Variants in PLXNB1 observed in about 807,000 individuals in gnomAD.
The protein encoded by PLXNB1 is plexin-B1.
Under a neutral mutation model 209.4 loss-of-function variants are expected in PLXNB1, and 106 were observed. The observed-to-expected ratio is 0.51, with a 90% confidence interval of 0.43 to 0.59. PLXNB1 has a LOEUF of 0.59. PLXNB1 is among the 20% of genes least tolerant of loss of function. PLXNB1 has a pLI of 0.00. For missense variants in PLXNB1, 2,357 were observed against 2,853.2 expected (o/e 0.83, Z 3.96); for synonymous variants, 1,167 against 1,183.2 (o/e 0.99, Z 0.28).
Position 48,419,711 on chromosome 3 carries a change from C to T in PLXNB1, c.2575G>A (p.Asp859Asn), listed in dbSNP as rs765692619. 3 of 1,611,918 alleles carry T rather than the reference C, an allele frequency of 1.9e-6. No individual in the cohort carries two copies. In the South Asian group the frequency reaches 3.3e-5, roughly 18 times the overall value. Residue 859 changes from aspartate (D) to asparagine (N), a missense_variant, in exon 11 of 38, where the codon GAC becomes AAC. Around this residue, in one of 7 missense-constraint regions of PLXNB1, gnomAD observed 410 missense variants for 401.0 expected, o/e 1.02. Coordinates refer to ENST00000296440, the MANE Select transcript of PLXNB1 (RefSeq NM_001130082.3). This position sits in a 1 kb window ranked among gnomAD's most constrained non-coding sequence, Gnocchi z 5.7. ...LPEADEWTGGDAPAFSTSTLL... is the reference protein window; with the variant it reads ...LPEADEWTGGNAPAFSTSTLL... ...GTGGAAGTGGAGAAGGCGGGTGCGT[C>T]ACCCCCCGTCCACTCGTCCGCCTCG...
chr3:48,406,838 C>T lies in PLXNB1; in HGVS notation c.6213G>A (p.Leu2071=). Residue 2071 remains leucine (L), a synonymous_variant, in exon 36 of 38, where the codon CTG becomes CTA. Transcript: ENST00000296440. The surrounding 1 kb of genome is among the most constrained non-coding windows in gnomAD (Gnocchi z 4.4). ...PASDQEMNSV[L]AELSWNYSGD... Reference sequence around the variant, plus strand: ...GAGGCCTTACCCAGGACAGTTCAGCCAGGACAGAGTTCATCTCTTGGTCGC... The same window carrying T: ...GAGGCCTTACCCAGGACAGTTCAGCTAGGACAGAGTTCATCTCTTGGTCGC... 1 of 1,611,268 alleles carries T rather than the reference C, an allele frequency of 6.2e-7. No individual in the cohort carries two copies. The highest frequency in any genetic ancestry group is 1.7e-4 in the Middle Eastern group (1 of 6,030).
chr3:48,424,716 C>T (rs1001059916), intron 2 of PLXNB1, 99 bp from the exon 3 acceptor site: 2 of 1,270,972 alleles, frequency 1.6e-6, no homozygotes, highest in African/African-American at 3.0e-5. Flanking sequence ...CCAAGATGCT[C>T]CTCCTAACCT....
chr3:48,428,229 T>C (rs1476678317), intron 1 of PLXNB1, among the ~76,000 whole-genome samples: 1 of 152,198 alleles, frequency 6.6e-6, no homozygotes, highest in Non-Finnish European at 1.5e-5. Flanking sequence ...TTGGCCCCAC[T>C]TTTATTAATG....
Position 48,413,965 on chromosome 3 carries a change from G to A in PLXNB1, c.4316C>T (p.Pro1439Leu). ...CCGTGGCAGGGGCTGCTCCACGGGGGGCTCGCAGTACAGGTGGTGCCGCGT... is the reference window on the plus strand; with the variant it reads ...CCGTGGCAGGGGCTGCTCCACGGGGAGCTCGCAGTACAGGTGGTGCCGCGT... ...TLTRHHLYCE[P>L]PVEQPLPRHH... Residue 1439 changes from proline to leucine, a missense_variant, in exon 22 of 38, where the codon CCC becomes CTC. Physicochemically the swap from Pro to Leu is moderately conservative, Grantham distance 98. This residue lies in a region of PLXNB1 where 743 missense variants were observed against 896.2 expected (regional missense o/e 0.83). Transcript: ENST00000296440. The surrounding 1 kb of genome is among the most constrained non-coding windows in gnomAD (Gnocchi z 5.4). 6.2e-7 allele frequency: 1 copy of A among 1,613,600 alleles called. No homozygotes were observed. Among genetic ancestry groups the A allele is most frequent in the South Asian group, 1.1e-5 (1 of 91,080 alleles).
chr3:48,420,691 C>T lies in PLXNB1; in HGVS notation c.2002G>A (p.Ala668Thr). The change falls in exon 10 of 38, where the codon GCT (alanine) becomes ACT (threonine). Residue 668 changes from alanine to threonine, a missense_variant. Ala to Thr is a moderately conservative substitution (Grantham distance 58). Transcript: ENST00000296440. The stretch of plus-strand genomic sequence containing the variant: ...TGATGGCTTGCAACCATGGGCCCAG[C>T]ATCACACGAGGCCTTGTGGGTGCAC... ...HLCTHKASCD[A>T]GPMVASHQSP... 6.2e-7 allele frequency: 1 copy of T among 1,613,950 alleles called. No homozygotes were observed. Among genetic ancestry groups the T allele is most frequent in the African/African-American group, 1.3e-5 (1 of 75,054 alleles).
At chr3:48,408,202 G>A (rs2106739967) in intron 34 of PLXNB1, among the ~76,000 whole-genome samples, 1 of 152,040 alleles carries the variant, frequency 6.6e-6, no homozygotes, top group East Asian at 1.9e-4. Context: ...GTAGAGACAG[G>A]GTTTTGCCAT....
At position 48,415,863 on chromosome 3, in the gene PLXNB1, G is replaced by C. The variant is rs1342034327; in HGVS notation, c.3618-104C>G. The C allele has an allele frequency of 7.3e-7, 1 of 1,364,374 alleles. No individual in the cohort carries two copies. The highest frequency in any genetic ancestry group is 1.0e-6 in the Non-Finnish European group (1 of 1,004,852). 84.5% of individuals were successfully genotyped at this position (1,364,374 alleles called of 1,614,324 possible). A position where few individuals can be genotyped will look rare whatever the true frequency, so the allele number is the denominator to read the frequency against. On this transcript the variant is annotated intron_variant, in intron 18 of 37. Transcript: ENST00000296440. The surrounding 1 kb of genome is among the most constrained non-coding windows in gnomAD (Gnocchi z 5.0). ...CAAGCGCTGACTGCAGTCTCCACCA[G>C]GTGTCCCTGGAGGTGCACTCCCACC...
chr3:48,424,693 G>A, intron 2 of PLXNB1, 76 bp from the exon 3 acceptor site: 1 of 1,425,048 alleles, frequency 7.0e-7, no homozygotes, highest in Non-Finnish European at 9.3e-7. Context: ...TAAGGGATAG[G>A]ACTGTGGCAT....
rs1324984657 is a variant in PLXNB1, at chr3:48,405,010, G to GGGAACCGGTA, written c.6304-430_6304-421dup. Among the ~76,000 whole-genome samples, 45 of 152,312 alleles carry GGGAACCGGTA rather than the reference G, an allele frequency of 3.0e-4. No homozygotes were observed. Among genetic ancestry groups the GGGAACCGGTA allele is most frequent in the African/African-American group, 1.1e-3 (45 of 41,560 alleles). Reference sequence around the variant, plus strand: ...ACCACGAATTTGGGGCTGCCACCAAGGGAACCGGTAGGAACCGGAGGGCAG... The same window carrying GGGAACCGGTA: ...ACCACGAATTTGGGGCTGCCACCAAGGGAACCGGTAGGAACCGGTAGGAACCGGAGGGCAG... On this transcript the variant is annotated intron_variant, in intron 37 of 37. Transcript: ENST00000296440. This position sits in a 1 kb window ranked among gnomAD's most constrained non-coding sequence, Gnocchi z 5.0.
In PLXNB1 at chr3:48,419,989, T is replaced by C; in HGVS notation, c.2297A>G (p.Asn766Ser). The change falls in exon 11 of 38, where the codon AAT (asparagine) becomes AGT (serine). Residue 766 changes from asparagine to serine, a missense_variant. By Grantham distance (46) the Asn-to-Ser change is conservative (BLOSUM62 1). Around this residue, in one of 7 missense-constraint regions of PLXNB1, gnomAD observed 410 missense variants for 401.0 expected, o/e 1.02. Coordinates refer to ENST00000296440, the MANE Select transcript of PLXNB1 (RefSeq NM_001130082.3). The surrounding 1 kb of genome is among the most constrained non-coding windows in gnomAD (Gnocchi z 5.7). Reference protein sequence around the residue: ...HEEPSPPSPQNGPGTAVPAPT... With the variant: ...HEEPSPPSPQSGPGTAVPAPT... The stretch of plus-strand genomic sequence containing the variant: ...GGCAGGGACAGCGGTTCCAGGTCCA[T>C]TTTGGGGGCTGGGAGGGGAGGGCTC... 6.3e-7 allele frequency: 1 copy of C among 1,595,302 alleles called. No homozygotes were observed. The highest frequency in any genetic ancestry group is 8.6e-7 in the Non-Finnish European group (1 of 1,168,794).
chr3:48,410,076 C>T lies in PLXNB1; in HGVS notation c.5607G>A (p.Arg1869=), dbSNP rs2106765965. 6.3e-7 allele frequency: 1 copy of T among 1,579,900 alleles called. No homozygotes were observed. Among genetic ancestry groups the T allele is most frequent in the Non-Finnish European group, 8.6e-7 (1 of 1,160,328 alleles). Residue 1869 remains arginine (R), a splice_region_variant and synonymous_variant, in exon 32 of 38, where the codon CGG becomes CGA. Transcript: ENST00000296440. This position sits in a 1 kb window ranked among gnomAD's most constrained non-coding sequence, Gnocchi z 6.4. ...RENQDYVPGE[R]TPMLEDVDEG... ...CATCTACATCCTCCAGCATTGGGGT[C>T]CCTGTGCCAAGAGCCCACAGCTGTC... is the stretch of plus-strand genomic sequence containing the variant.
Position 48,411,546 on chromosome 3 carries a change from C to G in PLXNB1, c.5247+317G>C, listed in dbSNP as rs112734489. On this transcript the variant is annotated intron_variant, in intron 28 of 37. Transcript: ENST00000296440. This position sits in a 1 kb window ranked among gnomAD's most constrained non-coding sequence, Gnocchi z 4.0. ...CCGCATTCCTGGTAGGAGGGCCAGG[C>G]AGACAGGGTCAGGCCCTGACACAGC... Among the ~76,000 whole-genome samples the G allele has an allele frequency of 6.6e-6, 1 of 152,194 alleles. No individual in the cohort carries two copies. Among genetic ancestry groups the G allele is most frequent in the Non-Finnish European group, 1.5e-5 (1 of 68,028 alleles).
At position 48,406,958 on chromosome 3, in the gene PLXNB1, A is replaced by G. The variant is rs1005405755; in HGVS notation, c.6153-60T>C. 8.7e-6 allele frequency: 14 copies of G among 1,607,514 alleles called. No individual in the cohort carries two copies. Among genetic ancestry groups the G allele is most frequent in the Admixed American group, 1.7e-5 (1 of 59,926 alleles). ...AAACAAGCCCACTCCCCTGCTCCCA[A>G]CCAGAGCCCACCCCCCAAGCCTCAG... On this transcript the variant is annotated intron_variant, in intron 35 of 37. Coordinates refer to ENST00000296440, the MANE Select transcript of PLXNB1 (RefSeq NM_001130082.3). The surrounding 1 kb of genome is among the most constrained non-coding windows in gnomAD (Gnocchi z 4.4).
intron 8 of PLXNB1, 54 bp from the exon 9 acceptor site, chr3:48,421,010 C>T: frequency 3.4e-6 from 5 of 1,459,822 alleles, no homozygotes; most frequent in East Asian, 2.3e-5. Flanking sequence ...GCACTCAGAC[C>T]CAGAGCCGAT....
Position 48,410,797 on chromosome 3 carries a change from T to C in PLXNB1, c.5416+71A>G. On this transcript the variant is annotated intron_variant, in intron 29 of 37. Transcript: ENST00000296440. The surrounding 1 kb of genome is among the most constrained non-coding windows in gnomAD (Gnocchi z 6.4). ...CCCACCCTGAGTGATGAGTTGTCCC[T>C]GCAGAGTTGGTCCGGGGCCAGCCCA... is the stretch of plus-strand genomic sequence containing the variant. 1 of 1,450,650 alleles carries C rather than the reference T, an allele frequency of 6.9e-7. No individual in the cohort carries two copies. Among genetic ancestry groups the C allele is most frequent in the South Asian group, 1.3e-5 (1 of 78,688 alleles). 89.9% of individuals were successfully genotyped at this position (1,450,650 alleles called of 1,614,324 possible).
Position 48,415,667 on chromosome 3 carries a change from G to A in PLXNB1, c.3710C>T (p.Thr1237Met), listed in dbSNP as rs539447851. Residue 1237 changes from threonine (T) to methionine (M), a missense_variant, in exon 19 of 38, where the codon ACG becomes ATG. Around this residue, in one of 7 missense-constraint regions of PLXNB1, gnomAD observed 743 missense variants for 896.2 expected, o/e 0.83. Coordinates refer to ENST00000296440, the MANE Select transcript of PLXNB1 (RefSeq NM_001130082.3). This position sits in a 1 kb window ranked among gnomAD's most constrained non-coding sequence, Gnocchi z 5.0. ...CTGTCCGCGTTGAAGCCTCCGCTCC[G>A]TGGCCCCAAACCACACAGCCACAGG... ...TLPVAVWFGA[T>M]ERRLQRGQFK... 84 of 1,565,036 alleles carry A rather than the reference G, an allele frequency of 5.4e-5. No individual in the cohort carries two copies. In the East Asian group the frequency reaches 7.5e-4, roughly 14 times the overall value.
At chr3:48,427,521 C>T (rs144962120) in intron 1 of PLXNB1, among the ~76,000 whole-genome samples, 1 of 152,316 alleles carries the variant, frequency 6.6e-6, no homozygotes, top group African/African-American at 2.4e-5. Flanking sequence ...TCAGGACTTT[C>T]CTTGAGCAGA....
rs932162661 is a variant in PLXNB1 at position 48,404,227 on chromosome 3, C to T, written c.*259G>A. 3 of 487,176 alleles carry T rather than the reference C, an allele frequency of 6.2e-6. No individual in the cohort carries two copies. The highest frequency in any genetic ancestry group is 5.8e-5 in the African/African-American group (3 of 51,474). The allele number at this position is 487,176 out of a possible 1,614,324, so 30.2% of individuals were successfully genotyped here. On this transcript the variant is annotated 3_prime_UTR_variant, in exon 38 of 38. Transcript: ENST00000296440. ...AGCCACTCTCTGGAAGCCCTTAGTC[C>T]CCAACTCCCTGCAGACCGGTGTCAC...
chr3:48,410,313 T>A lies in PLXNB1; in HGVS notation c.5588A>T (p.Asp1863Val). ...LTKHVLRENQ[D>V]YVPGERTPML... is the part of the protein sequence containing the mutation. ...GTACTCACGCTCTCCAGGGACATAA[T>A]CCTGGTTTTCCCGGAGCACATGCTT... Residue 1863 changes from aspartate (D) to valine (V), a missense_variant, in exon 31 of 38, where the codon GAT becomes GTT. Coordinates refer to ENST00000296440, the MANE Select transcript of PLXNB1 (RefSeq NM_001130082.3). The surrounding 1 kb of genome is among the most constrained non-coding windows in gnomAD (Gnocchi z 6.4). 6.2e-7 allele frequency: 1 copy of A among 1,611,986 alleles called. No individual in the cohort carries two copies. The highest frequency in any genetic ancestry group is 8.5e-7 in the Non-Finnish European group (1 of 1,178,804).
Sources: allele counts gnomAD v4.1 joint callset (sites outside exome capture counted in the v4.1 genomes callset), GRCh38; gene constraint gnomAD v4.1.1; regional missense constraint gnomAD v4.1.1; non-coding constraint Gnocchi (gnomAD v3.1); transcripts MANE v1.5; gene names NCBI Gene and HGNC (gene_info 2026-07-23, HGNC 2026-07-21).